BMPER: variants seen among roughly 807,000 people sequenced by gnomAD.
BMPER encodes BMP-binding endothelial regulator protein.
Under a neutral mutation model 87.3 loss-of-function variants are expected in BMPER, and 45 were observed. The observed-to-expected ratio is 0.52, with a 90% CI of 0.41 to 0.66. The LOEUF (loss-of-function observed/expected upper bound fraction) is 0.66. Among genes scored for constraint, BMPER ranks in the 30% least tolerant of loss-of-function variants. The pLI, the probability that BMPER is intolerant of heterozygous loss-of-function variation, is 0.00. For synonymous variants in BMPER, 326 were observed against 316.2 expected (o/e 1.03, Z -0.33); for missense variants, 784 against 867.5 (o/e 0.90, Z 1.21).
chr7:33,912,043 C>T (rs138069410), intron 2 of BMPER, among the ~76,000 whole-genome samples: 1 of 152,266 alleles, frequency 6.6e-6, no homozygotes, highest in African/African-American at 2.4e-5. Context: ...ATCTAGGCTG[C>T]TTCCTTATTG....
chr7:34,036,344 T>G (rs887804509), intron 6 of BMPER, among the ~76,000 whole-genome samples: 4 of 152,106 alleles, frequency 2.6e-5, no homozygotes, highest in Non-Finnish European at 5.9e-5. Flanking sequence ...CCTACCAGGG[T>G]GGTCTGCAAG....
At chr7:34,015,271 C>CT (rs2127943354) in intron 6 of BMPER, among the ~76,000 whole-genome samples, 1 of 151,986 alleles carries the variant, frequency 6.6e-6, no homozygotes, top group East Asian at 1.9e-4. Context: ...CTGCCCTGTG[C>CT]TTTTGCTTCC....
At chr7:34,122,188 T>A (rs1435814436) in intron 13 of BMPER, among the ~76,000 whole-genome samples, 1 of 152,044 alleles carries the variant, frequency 6.6e-6, no homozygotes, top group African/African-American at 2.4e-5. Flanking sequence ...GCTGAACAGA[T>A]TAGTAAGATA....
At position 34,119,989 on chromosome 7, in the gene BMPER, A is replaced by G. The variant is rs543150846; in HGVS notation, c.1746-23241A>G. Among the ~76,000 whole-genome samples, 10 of 152,326 alleles carry G rather than the reference A, an allele frequency of 6.6e-5. No individual in the cohort carries two copies. The South Asian group carries it at 2.1e-3, about 32-fold the overall frequency. On this transcript the variant is annotated intron_variant, in intron 13 of 14. Coordinates refer to ENST00000649409, the MANE Select transcript of BMPER (RefSeq NM_001365308.1). ...AAAAAAGTGATATTAGAAATAATAT[A>G]CTAGGAAAATATTATAATCATGTAC...
At position 33,988,260 on chromosome 7, in the gene BMPER, A is replaced by C. The variant is rs114741525; in HGVS notation, c.576+13476A>C. Among the ~76,000 whole-genome samples, 371 of 152,276 alleles carry C rather than the reference A, an allele frequency of 2.4e-3. 2 individuals are homozygous for C. Among genetic ancestry groups the C allele is most frequent in the African/African-American group, 8.4e-3 (350 of 41,550 alleles). On this transcript the variant is annotated intron_variant, in intron 6 of 14. Coordinates refer to ENST00000649409, the MANE Select transcript of BMPER (RefSeq NM_001365308.1). ...ATGCTAGGAGTGACTCTTTTTTGACATTGATGGGAAATGCATTTCTTTTCA... is the reference window on the plus strand; with the variant it reads ...ATGCTAGGAGTGACTCTTTTTTGACCTTGATGGGAAATGCATTTCTTTTCA...
At position 34,017,380 on chromosome 7, in the gene BMPER, TG is replaced by T. The variant is rs201642729; in HGVS notation, c.577-28924del. 4.2e-3 allele frequency among the ~76,000 whole-genome samples: 641 copies of T among 151,846 alleles called. 6 individuals are homozygous for T. The highest frequency in any genetic ancestry group is 0.014 in the African/African-American group (582 of 41,458). ...CCTCACAATCATGGTGGAAGGTGAA[TG>T]GAGGACTCACATCTTAAATGGTGGC... On this transcript the variant is annotated intron_variant, in intron 6 of 14. Coordinates refer to ENST00000649409, the MANE Select transcript of BMPER (RefSeq NM_001365308.1).
intron 10 of BMPER, among the ~76,000 whole-genome samples, chr7:34,060,754 T>C (rs1224875591): frequency 1.3e-5 from 2 of 152,214 alleles, no homozygotes; most frequent in Non-Finnish European, 2.9e-5. Context: ...TGGCAACCTC[T>C]CCATGGTCTC....
chr7:33,920,267 C>A (rs1285261166), intron 2 of BMPER, among the ~76,000 whole-genome samples: 1 of 152,038 alleles, frequency 6.6e-6, no homozygotes, highest in Non-Finnish European at 1.5e-5. Context: ...TCTGTTCTCC[C>A]ACCAGGGGCC....
At chr7:34,135,815 G>A (rs1790703593) in intron 13 of BMPER, among the ~76,000 whole-genome samples, 1 of 152,150 alleles carries the variant, frequency 6.6e-6, no homozygotes, top group South Asian at 2.1e-4. Flanking sequence ...AACAAACAGA[G>A]CTCCATGAGT....
intron 2 of BMPER, among the ~76,000 whole-genome samples, chr7:33,919,934 T>TCTATCTAC (rs1439909922): frequency 2.0e-5 from 3 of 152,024 alleles, no homozygotes; most frequent in African/African-American, 7.2e-5. Flanking sequence ...TATCTATCTA[T>TCTATCTAC]CTATCTATCT....
intron 7 of BMPER, among the ~76,000 whole-genome samples, chr7:34,051,079 T>G (rs911930754): frequency 2.6e-5 from 4 of 152,194 alleles, no homozygotes; most frequent in Non-Finnish European, 2.9e-5. Flanking sequence ...CTAGCAGATT[T>G]GCTGTTTGGC....
intron 2 of BMPER, among the ~76,000 whole-genome samples, chr7:33,925,958 G>C (rs1784348062): frequency 6.6e-6 from 1 of 152,208 alleles, no homozygotes; most frequent in Non-Finnish European, 1.5e-5. Flanking sequence ...TGTGGCAGTG[G>C]AATTTGGTCA....
intron 13 of BMPER, among the ~76,000 whole-genome samples, chr7:34,099,848 G>A (rs1789630290): frequency 6.6e-6 from 1 of 151,624 alleles, no homozygotes; most frequent in Non-Finnish European, 1.5e-5. Flanking sequence ...CAATTGATGT[G>A]TTATTAGCAA....
intron 13 of BMPER, among the ~76,000 whole-genome samples, chr7:34,134,240 G>A (rs10951406): frequency 0.72 from 109,152 of 152,062 alleles, 40,519 homozygotes; most frequent in East Asian, 0.91. Context: ...TTTAAGAGAA[G>A]AGTGATTGAT....
chr7:33,917,387 T>C (rs765847618), intron 2 of BMPER, among the ~76,000 whole-genome samples: 1 of 152,120 alleles, frequency 6.6e-6, no homozygotes. Context: ...TGTCGTGTAG[T>C]GTAATGAGCT....
intron 13 of BMPER, among the ~76,000 whole-genome samples, chr7:34,119,034 A>G (rs966960576): frequency 1.3e-5 from 2 of 151,296 alleles, no homozygotes; most frequent in Non-Finnish European, 2.9e-5. Context: ...ACACACACAC[A>G]CACGCACTCG....
At chr7:34,073,466 T>C (rs1170373811) in intron 11 of BMPER, among the ~76,000 whole-genome samples, 1 of 152,230 alleles carries the variant, frequency 6.6e-6, no homozygotes, top group Non-Finnish European at 1.5e-5. Flanking sequence ...AAAAATACAG[T>C]ATTATAATCT....
chr7:34,114,271 A>G (rs1219533847), intron 13 of BMPER, among the ~76,000 whole-genome samples: 1 of 152,194 alleles, frequency 6.6e-6, no homozygotes, highest in Non-Finnish European at 1.5e-5. Flanking sequence ...CAGCCAGCCA[A>G]GGACCTATGC....
At chr7:34,052,122 C>G (rs930299347) in intron 8 of BMPER, 152 bp downstream of exon 8, 1 of 766,076 alleles carries the variant, frequency 1.3e-6, no homozygotes, top group Admixed American at 2.0e-5. Context: ...CTCAAGGTCA[C>G]CAAGGACTTA....
Sources: allele counts gnomAD v4.1 joint callset (sites outside exome capture counted in the v4.1 genomes callset), GRCh38; gene constraint gnomAD v4.1.1; transcripts MANE v1.5; gene names NCBI Gene and HGNC (gene_info 2026-07-23, HGNC 2026-07-21).